MYO1E: variants seen among roughly 807,000 people sequenced by gnomAD.
The protein encoded by MYO1E is unconventional myosin-Ie.
MYO1E carries 68 observed loss-of-function variants against 151.1 expected under a neutral mutation model. The observed-to-expected ratio is 0.45, with a 90% CI of 0.37 to 0.55. MYO1E has a LOEUF of 0.55. Among genes scored for constraint, MYO1E ranks in the 20% least tolerant of loss-of-function variants. The probability of loss-of-function intolerance (pLI) is 0.00; values close to 1 mark genes in which losing one functional copy is unlikely to be tolerated. For synonymous variants in MYO1E, 601 were observed against 501.7 expected, an observed-to-expected ratio of 1.20 and a Z score of -2.64; for missense variants, 1,363 against 1,389.3, an observed-to-expected ratio of 0.98 and a Z score of 0.30.
chr15:59,227,156 C>G (rs1159073381), intron 7 of MYO1E, among the ~76,000 whole-genome samples: 8 of 152,206 alleles, frequency 5.3e-5, no homozygotes, highest in African/African-American at 1.9e-4. Context: ...CTCCTACTAT[C>G]CGGCCAAACC....
chr15:59,165,300 C>T (rs2079557719), intron 22 of MYO1E, among the ~76,000 whole-genome samples: 1 of 152,096 alleles, frequency 6.6e-6, no homozygotes, highest in Non-Finnish European at 1.5e-5. Flanking sequence ...AGCAAGAGGC[C>T]AGTGTCAGGG....
chr15:59,173,921 A>C lies in MYO1E; in HGVS notation c.2165-6T>G. ...GTTCAATAAGAGGTCTGAGGCTACA[A>C]TTCCCAAGAGGGTCAAGATGGAAGA... On this transcript the variant is annotated splice_region_variant and splice_polypyrimidine_tract_variant and intron_variant, in intron 20 of 27. Transcript: ENST00000288235. 1 of 1,614,070 alleles carries C rather than the reference A, an allele frequency of 6.2e-7. No homozygotes were observed. Among genetic ancestry groups the C allele is most frequent in the South Asian group, 1.1e-5 (1 of 91,086 alleles).
rs370804105 is a variant in MYO1E at position 59,225,338 on chromosome 15, T to A, written c.643-515A>T. Among the ~76,000 whole-genome samples the A allele has an allele frequency of 1.5e-3, 230 of 152,324 alleles. 1 individual carries two copies. The highest frequency in any genetic ancestry group is 4.9e-3 in the African/African-American group (205 of 41,582). ...TCCCCTCACCACTCTGGCGGAACCC[T>A]TGCATGGCTATTTTTCAGTGCCTAA... On this transcript the variant is annotated intron_variant, in intron 7 of 27. Coordinates refer to ENST00000288235, the MANE Select transcript of MYO1E (RefSeq NM_004998.4).
intron 26 of MYO1E, among the ~76,000 whole-genome samples, chr15:59,139,076 T>C (rs2079391487): frequency 6.6e-6 from 1 of 152,142 alleles, no homozygotes; most frequent in East Asian, 1.9e-4. Flanking sequence ...TTTTCACTAT[T>C]ATAAAAAATG....
At chr15:59,218,973 C>A (rs902274385) in intron 9 of MYO1E, among the ~76,000 whole-genome samples, 5 of 152,058 alleles carry the variant, frequency 3.3e-5, no homozygotes, top group Non-Finnish European at 7.4e-5. Flanking sequence ...TGCTGGGGGT[C>A]CTTGAATGGT....
intron 1 of MYO1E, among the ~76,000 whole-genome samples, chr15:59,307,641 GCT>G (rs2080522523): frequency 6.6e-6 from 1 of 151,898 alleles, no homozygotes; most frequent in Non-Finnish European, 1.5e-5. Flanking sequence ...ACGGAGTTTC[GCT>G]CTTGTTGCCC....
At chr15:59,304,800 A>G (rs1431465660) in intron 1 of MYO1E, among the ~76,000 whole-genome samples, 1 of 152,250 alleles carries the variant, frequency 6.6e-6, no homozygotes, top group African/African-American at 2.4e-5. Context: ...AAAATAAGCT[A>G]TTCATTGACC....
intron 1 of MYO1E, among the ~76,000 whole-genome samples, chr15:59,296,839 C>CTTTT (rs10717328): frequency 3.2e-5 from 4 of 125,532 alleles, no homozygotes; most frequent in Non-Finnish European, 3.3e-5. Flanking sequence ...ATACTTTTTT[C>CTTTT]TTTTTTTTTT....
intron 16 of MYO1E, 94 bp from the exon 17 acceptor site, chr15:59,195,661 T>A (rs2079762126): frequency 8.8e-7 from 1 of 1,141,684 alleles, no homozygotes; most frequent in Non-Finnish European, 1.3e-6. Flanking sequence ...TAGAAATACA[T>A]AGCTAGGAAT....
chr15:59,267,382 T>G (rs1261894988), intron 2 of MYO1E, among the ~76,000 whole-genome samples: 1 of 152,158 alleles, frequency 6.6e-6, no homozygotes, highest in East Asian at 1.9e-4. Context: ...GCTGGTCGAG[T>G]GGACTTCCTT....
At chr15:59,366,703 G>A (rs2080915980) in intron 1 of MYO1E, among the ~76,000 whole-genome samples, 1 of 151,998 alleles carries the variant, frequency 6.6e-6, no homozygotes, top group Non-Finnish European at 1.5e-5. Context: ...AAGTGTGGCT[G>A]TCCCAAAGAT....
At chr15:59,276,943 C>T (rs189488638) in intron 1 of MYO1E, among the ~76,000 whole-genome samples, 1 of 152,350 alleles carries the variant, frequency 6.6e-6, no homozygotes, top group African/African-American at 2.4e-5. Context: ...GTTCTGCAAA[C>T]ACTTCATTAG....
At position 59,224,747 on chromosome 15, in the gene MYO1E, A is replaced by G; in HGVS notation, c.719T>C (p.Leu240Pro). The stretch of plus-strand genomic sequence containing the variant: ...GTCATCAACCTTGTATGAGCCCGAG[A>G]GGCTCAGGTAGTAATAATAGTCCAT... ...TSMDYYYYLS[L>P]SGSYKVDDID... Residue 240 changes from leucine (L) to proline (P), a missense_variant, in exon 8 of 28, where the codon CTC (leucine) becomes CCC (proline). Transcript: ENST00000288235. 1.9e-6 allele frequency: 3 copies of G among 1,614,196 alleles called. No homozygotes were observed. The highest frequency in any genetic ancestry group is 2.5e-6 in the Non-Finnish European group (3 of 1,180,018).
At chr15:59,246,815 T>A (rs1412129715) in intron 4 of MYO1E, among the ~76,000 whole-genome samples, 1 of 152,210 alleles carries the variant, frequency 6.6e-6, no homozygotes, top group Admixed American at 6.5e-5. Flanking sequence ...GGTGTATAAA[T>A]GCATCTTCAC....
chr15:59,210,749 G>C, intron 12 of MYO1E, 149 bp from the exon 13 acceptor site: 2 of 644,210 alleles, frequency 3.1e-6, no homozygotes, highest in South Asian at 1.8e-5. Context: ...TATTTTCTAA[G>C]AGGTAACAGG....
At chr15:59,145,707 A>G (rs150929476) in intron 26 of MYO1E, among the ~76,000 whole-genome samples, 9 of 152,244 alleles carry the variant, frequency 5.9e-5, no homozygotes, top group African/African-American at 1.4e-4. Flanking sequence ...ATTTTCCTCT[A>G]TCTATGCATT....
At chr15:59,188,285 AC>A in intron 17 of MYO1E, 69 bp from the exon 18 acceptor site, 1 of 1,282,450 alleles carries the variant, frequency 7.8e-7, no homozygotes, top group Non-Finnish European at 1.1e-6. Context: ...TTACCAGCCA[AC>A]CCCCAAGCCC....
chr15:59,154,671 G>C (rs1596344382), intron 25 of MYO1E, among the ~76,000 whole-genome samples: 1 of 152,184 alleles, frequency 6.6e-6, no homozygotes, highest in Non-Finnish European at 1.5e-5. Flanking sequence ...TAGGGGTTCA[G>C]TTCTGGCTCT....
intron 1 of MYO1E, among the ~76,000 whole-genome samples, chr15:59,346,659 T>A (rs562078132): frequency 1.3e-5 from 2 of 152,236 alleles, no homozygotes; most frequent in East Asian, 3.9e-4. Context: ...GGGCATGGTG[T>A]CTCACGACTG....
Sources: allele counts gnomAD v4.1 joint callset (sites outside exome capture counted in the v4.1 genomes callset), GRCh38; gene constraint gnomAD v4.1.1; transcripts MANE v1.5; gene names NCBI Gene and HGNC (gene_info 2026-07-23, HGNC 2026-07-21).